Variants in TRPV5 observed in about 807,000 individuals in gnomAD.
TRPV5 encodes calcium transport protein 2.
Under a neutral mutation model 74.1 loss-of-function variants are expected in TRPV5, and 66 were observed. The ratio of observed to expected loss-of-function variants is 0.89; its 90% CI spans 0.73 to 1.09. The LOEUF (loss-of-function observed/expected upper bound fraction) is 1.09. TRPV5 is among the 50% of genes least tolerant of loss of function. The pLI is 0.00. For missense variants in TRPV5, 936 were observed against 930.4 expected (o/e 1.01, Z -0.08); for synonymous variants, 399 against 360.7 (o/e 1.11, Z -1.20).
intron 1 of TRPV5, 84 bp downstream of exon 1, chr7:142,933,248 G>T: frequency 6.5e-7 from 1 of 1,527,814 alleles, no homozygotes; most frequent in Non-Finnish European, 8.9e-7. Flanking sequence ...CTTCTAGGGT[G>T]CTGTATTCGG....
At chr7:142,930,843 C>T (rs1476256942) in intron 1 of TRPV5, among the ~76,000 whole-genome samples, 2 of 152,102 alleles carry the variant, frequency 1.3e-5, no homozygotes, top group Admixed American at 1.3e-4. Context: ...AGGGCACTTC[C>T]ATCTGCGGTC....
At chr7:142,915,461 T>A (rs1293215849) in intron 9 of TRPV5, 21 bp downstream of exon 9, 2 of 1,613,508 alleles carry the variant, frequency 1.2e-6, no homozygotes, top group Non-Finnish European at 1.7e-6. Flanking sequence ...GGGATTAGCC[T>A]GGACCCCGCC....
At position 142,933,437 on chromosome 7, in the gene TRPV5, G is replaced by A. The variant is rs4252372; in HGVS notation, c.23C>T (p.Ala8Val). Reference sequence around the variant, plus strand: ...CTGGAGTTGGCTCCCGGGCCCTTCTGCCTTAGGTAGAAAACCCCCCATGTC... The same window carrying A: ...CTGGAGTTGGCTCCCGGGCCCTTCTACCTTAGGTAGAAAACCCCCCATGTC... MGGFLPK[A>V]EGPGSQLQKL... Residue 8 changes from alanine to valine, a missense_variant, in exon 1 of 15, where the codon GCA (alanine) becomes GTA (valine). Physicochemically the swap from Ala to Val is moderately conservative, Grantham distance 64. Coordinates refer to ENST00000265310, the MANE Select transcript of TRPV5 (RefSeq NM_019841.7). 0.022 allele frequency: 35,422 copies of A among 1,613,734 alleles called. 801 individuals are homozygous for A. The highest frequency in any genetic ancestry group is 0.12 in the African/African-American group (9,212 of 74,940).
rs550035393 is a variant in TRPV5 at position 142,914,633 on chromosome 7, G to A, written c.1519+7C>T. The stretch of plus-strand genomic sequence containing the variant: ...CTGATCTAGTAGAGGAGTGTATGGT[G>A]CCTTACCGGAGGCAAATCCCAAGAT... On this transcript the variant is annotated splice_region_variant and intron_variant, in intron 12 of 14. Transcript: ENST00000265310. 6 of 1,612,378 alleles carry A rather than the reference G, an allele frequency of 3.7e-6. No individual in the cohort carries two copies. Among genetic ancestry groups the A allele is most frequent in the Non-Finnish European group, 5.1e-6 (6 of 1,179,054 alleles).
chr7:142,911,589 G>A (rs1327180873), intron 13 of TRPV5, among the ~76,000 whole-genome samples: 1 of 152,160 alleles, frequency 6.6e-6, no homozygotes, highest in African/African-American at 2.4e-5. Context: ...CACTTTTGCT[G>A]CTGTAATTTT....
chr7:142,930,034 T>G, intron 3 of TRPV5, 24 bp downstream of exon 3: 5 of 1,613,484 alleles, frequency 3.1e-6, no homozygotes, highest in Non-Finnish European at 4.2e-6. Context: ...GTTTCCACCT[T>G]GAATTACCAT....
In TRPV5 at chr7:142,914,698, A is replaced by C. The variant is rs1429181022; in HGVS notation, c.1461T>G (p.Phe487Leu). 1 of 1,613,866 alleles carries C rather than the reference A, an allele frequency of 6.2e-7. No homozygotes were observed. Among genetic ancestry groups the C allele is most frequent in the Admixed American group, 1.7e-5 (1 of 59,964 alleles). Residue 487 changes from phenylalanine to leucine, a missense_variant, in exon 12 of 15, where the codon TTT (phenylalanine) becomes TTG (leucine). Phe to Leu is a conservative substitution (Grantham distance 22, BLOSUM62 0). Transcript: ENST00000265310. ...GCCAGCAGAAACGCATTAGGTCTCC[A>C]AAAATCATCTGCAGGAAACAGAAGG... ...PFTIMIQKMI[F>L]GDLMRFCWLM...
chr7:142,929,457 C>A lies in TRPV5; in HGVS notation c.458G>T (p.Arg153Leu). The change falls in exon 4 of 15, where the codon CGC becomes CTC. Residue 153 changes from arginine (R) to leucine (L), a missense_variant. Arg to Leu is a moderately radical substitution (Grantham distance 102, BLOSUM62 -2). Coordinates refer to ENST00000265310, the MANE Select transcript of TRPV5 (RefSeq NM_019841.7). ...GTAGATGAGGTTGCGGGGACTATGG[C>A]GGAAGGCAGTGCCTGTGGCTCTGGC... ...VSARATGTAF[R>L]HSPRNLIYFG... 6.2e-7 allele frequency: 1 copy of A among 1,614,110 alleles called. No homozygotes were observed. Among genetic ancestry groups the A allele is most frequent in the Non-Finnish European group, 8.5e-7 (1 of 1,180,006 alleles).
rs1191733651 is a variant in TRPV5 at position 142,929,063 on chromosome 7, A to G, written c.545T>C (p.Leu182Pro). ...CCTGATGTCAGCTCCATGCTCAATG[A>G]GCAGCCGCACGATCTCCTCGCTGTT... ...CVNSEEIVRL[L>P]IEHGADIRAQ... is the part of the protein sequence containing the mutation. The change falls in exon 5 of 15, where the codon CTC becomes CCC. Residue 182 changes from leucine to proline, a missense_variant. By Grantham distance (98) the Leu-to-Pro change is moderately conservative. Transcript: ENST00000265310. 1 of 1,614,058 alleles carries G rather than the reference A, an allele frequency of 6.2e-7. No homozygotes were observed. The highest frequency in any genetic ancestry group is 2.2e-5 in the East Asian group (1 of 44,860).
chr7:142,923,002 T>C (rs772369243), intron 8 of TRPV5, among the ~76,000 whole-genome samples: 3 of 152,188 alleles, frequency 2.0e-5, no homozygotes, highest in Non-Finnish European at 4.4e-5. Context: ...ATTTGTTTTC[T>C]CTCATCTGTT....
At chr7:142,932,662 G>A (rs1028286424) in intron 1 of TRPV5, among the ~76,000 whole-genome samples, 1 of 152,188 alleles carries the variant, frequency 6.6e-6, no homozygotes, top group African/African-American at 2.4e-5. Context: ...CTCTTCCTGG[G>A]ACTGGACCTC....
In TRPV5 at chr7:142,925,569, T is replaced by C; in HGVS notation, c.1082A>G (p.His361Arg). 6.2e-7 allele frequency: 1 copy of C among 1,614,166 alleles called. No individual in the cohort carries two copies. The change falls in exon 8 of 15, where the codon CAT becomes CGT. Residue 361 changes from histidine to arginine, a missense_variant. Transcript: ENST00000265310. Reference protein sequence around the residue: ...PLKFRGGNRTHSRDITILQQK... With the variant: ...PLKFRGGNRTRSRDITILQQK... ...CTGGAGGATGGTGATGTCTCGAGAA[T>C]GAGTGCGGTTGCCACCACGAAACTT... is the stretch of plus-strand genomic sequence containing the variant.
intron 13 of TRPV5, among the ~76,000 whole-genome samples, chr7:142,910,666 A>C (rs1215977520): frequency 6.6e-6 from 1 of 152,118 alleles, no homozygotes; most frequent in Non-Finnish European, 1.5e-5. Flanking sequence ...TCAGTTTCTT[A>C]ATTGCACCAA....
At chr7:142,922,906 T>C (rs1238202862) in intron 8 of TRPV5, among the ~76,000 whole-genome samples, 1 of 152,244 alleles carries the variant, frequency 6.6e-6, no homozygotes, top group African/African-American at 2.4e-5. Context: ...GTCATTAAGA[T>C]AGCCCCCAAA....
rs764622325 is a variant in TRPV5, at chr7:142,928,092, C to A, written c.905G>T (p.Arg302Leu). The A allele has an allele frequency of 2.5e-6, 4 of 1,614,048 alleles. No homozygotes were observed. The highest frequency in any genetic ancestry group is 2.5e-6 in the Non-Finnish European group (3 of 1,180,038). Residue 302 changes from arginine to leucine, a missense_variant, in exon 7 of 15, where the codon CGA becomes CTA. Coordinates refer to ENST00000265310, the MANE Select transcript of TRPV5 (RefSeq NM_019841.7). ...GATCCTCCTTGGCATCCATACCTCT[C>A]GTTTATCAGAGGAGACCACAAGCTC... ...FLELVVSSDK[R>L]EARQILEQTP...
chr7:142,932,035 C>T (rs1201815532), intron 1 of TRPV5, among the ~76,000 whole-genome samples: 1 of 152,140 alleles, frequency 6.6e-6, no homozygotes, highest in African/African-American at 2.4e-5. Context: ...AGCTTTTAAT[C>T]TAAAGGTGGG....
In TRPV5 at chr7:142,930,361, C is replaced by A. The variant is rs140202697; in HGVS notation, c.214G>T (p.Val72Phe). 19 of 1,614,142 alleles carry A rather than the reference C, an allele frequency of 1.2e-5. No homozygotes were observed. In the African/African-American group the frequency reaches 2.4e-4, roughly 20 times the overall value. ...ATCCAGATCCCACCTCTTTGTCGAA[C>A]GTCACAGGTGCAGTCCAGTAGAAGT... ...RQLLLDCTCD[V>F]RQRGALGETA... Residue 72 changes from valine (V) to phenylalanine (F), a missense_variant, in exon 2 of 15, where the codon GTT becomes TTT. Physicochemically the swap from Val to Phe is conservative, Grantham distance 50. Transcript: ENST00000265310.
rs754536038 is a variant in TRPV5, at chr7:142,912,648, A to G, written c.1622T>C (p.Ile541Thr). The G allele has an allele frequency of 3.1e-6, 5 of 1,614,246 alleles. No individual in the cohort carries two copies. Among genetic ancestry groups the G allele is most frequent in the Admixed American group, 1.7e-5 (1 of 60,032 alleles). ...CACGTCGTAGTTGGCAGGTGCATCA[A>G]TAACAGTGAGAAAAAGCTCAAAGGT... ...FTTFELFLTVIDAPANYDVDL... is the reference protein window; with the variant it reads ...FTTFELFLTVTDAPANYDVDL... The change falls in exon 13 of 15, where the codon ATT becomes ACT. Residue 541 changes from isoleucine (I) to threonine (T), a missense_variant. Physicochemically the swap from Ile to Thr is moderately conservative, Grantham distance 89. Transcript: ENST00000265310.
Position 142,912,696 on chromosome 7 carries a change from T to G in TRPV5, c.1574A>C (p.Asp525Ala). ...EDPTSLGQFY[D>A]YPMALFTTFE... ...GGTGGTGAACAGTGCCATGGGGTAG[T>G]CATAGAATTGCCCCAGACTGGTTGG... The change falls in exon 13 of 15, where the codon GAC becomes GCC. Residue 525 changes from aspartate to alanine, a missense_variant. Transcript: ENST00000265310. The G allele has an allele frequency of 6.2e-7, 1 of 1,614,230 alleles. No homozygotes were observed. Among genetic ancestry groups the G allele is most frequent in the Non-Finnish European group, 8.5e-7 (1 of 1,180,052 alleles).
Sources: allele counts gnomAD v4.1 joint callset (sites outside exome capture counted in the v4.1 genomes callset), GRCh38; gene constraint gnomAD v4.1.1; transcripts MANE v1.5; gene names NCBI Gene and HGNC (gene_info 2026-07-23, HGNC 2026-07-21).